The following GATAD2A variants were observed in gnomAD, a reference collection of about 807,000 sequenced individuals.
GATAD2A encodes GATA zinc finger domain containing 2A.
Under a neutral mutation model 68.5 loss-of-function variants are expected in GATAD2A, and 12 were observed. The observed-to-expected ratio is 0.18, with a 90% CI of 0.11 to 0.28. GATAD2A has a LOEUF of 0.28. Among genes scored for constraint, GATAD2A ranks in the 10% least tolerant of loss-of-function variants. The probability of loss-of-function intolerance (pLI) is 1.00; values close to 1 mark genes in which losing one functional copy is unlikely to be tolerated. For synonymous variants in GATAD2A, 410 were observed against 375.3 expected, an observed-to-expected ratio of 1.09 and a Z score of -1.07; for missense variants, 755 against 868.5, an observed-to-expected ratio of 0.87 and a Z score of 1.64.
At chr19:19,457,112 G>C (rs981281044) in intron 1 of GATAD2A, 1 of 985,316 alleles carries the variant, frequency 1.0e-6, no homozygotes, top group African/African-American at 1.7e-5. Flanking sequence ...TGACACCTCT[G>C]CCCACGCATC....
chr19:19,494,689 C>T (rs1050386383), intron 5 of GATAD2A, among the ~76,000 whole-genome samples: 11 of 152,224 alleles, frequency 7.2e-5, no homozygotes, highest in Non-Finnish European at 1.0e-4. Context: ...TTGACTCTTC[C>T]GGCCAGAGAG....
rs1600259300 is a variant in GATAD2A at position 19,487,003 on chromosome 19, T to C, written c.270-5303T>C. ...TTTGAAGTCCAAGGCTGGGCAAGGGTGGCCAGTGAGCTCCAGGCCTCAGCT... is the reference window on the plus strand; with the variant it reads ...TTTGAAGTCCAAGGCTGGGCAAGGGCGGCCAGTGAGCTCCAGGCCTCAGCT... On this transcript the variant is annotated intron_variant, in intron 2 of 11. Transcript: ENST00000683918. Among the ~76,000 whole-genome samples the C allele has an allele frequency of 2.0e-5, 3 of 152,132 alleles. No individual in the cohort carries two copies. In the South Asian group the frequency reaches 6.2e-4, roughly 31 times the overall value.
intron 1 of GATAD2A, among the ~76,000 whole-genome samples, chr19:19,439,244 G>T (rs937337061): frequency 1.3e-5 from 2 of 152,242 alleles, no homozygotes; most frequent in Non-Finnish European, 2.9e-5. Flanking sequence ...CTTGAATTTG[G>T]CCTGTCAGGT....
chr19:19,458,316 C>G (rs1433898889), intron 1 of GATAD2A: 1 of 152,292 alleles, frequency 6.6e-6, no homozygotes, highest in African/African-American at 2.4e-5. Context: ...CTGCCCTGGC[C>G]TCAGTCTGGG....
intron 1 of GATAD2A, among the ~76,000 whole-genome samples, chr19:19,455,875 G>A (rs990123030): frequency 1.8e-4 from 28 of 152,202 alleles, no homozygotes; most frequent in African/African-American, 6.5e-4. Flanking sequence ...TACTGGCCAG[G>A]CGTGGTGGCT....
At chr19:19,470,162 T>A (rs1380523725) in intron 2 of GATAD2A, among the ~76,000 whole-genome samples, 11 of 148,964 alleles carry the variant, frequency 7.4e-5, no homozygotes, top group African/African-American at 2.5e-4. Context: ...TTTGTTTTTT[T>A]TTTTTTGAGA....
At chr19:19,502,660 G>C (rs538486791) in intron 11 of GATAD2A, 134 bp downstream of exon 11, 11 of 684,890 alleles carry the variant, frequency 1.6e-5, no homozygotes, top group Non-Finnish European at 2.7e-5. Flanking sequence ...CTCGGACTCT[G>C]GCTTTCCCTC....
chr19:19,406,416 G>A (rs1179525052), intron 1 of GATAD2A, among the ~76,000 whole-genome samples: 2 of 151,736 alleles, frequency 1.3e-5, no homozygotes, highest in Non-Finnish European at 2.9e-5. Flanking sequence ...TCAGGGGCGG[G>A]GGTCCGGGGC....
intron 2 of GATAD2A, among the ~76,000 whole-genome samples, chr19:19,479,695 G>A (rs1266304402): frequency 6.6e-6 from 1 of 152,182 alleles, no homozygotes; most frequent in Non-Finnish European, 1.5e-5. Context: ...GGTACTGCTG[G>A]TCTTGAATGA....
At chr19:19,391,408 T>C (rs1036969544) in intron 1 of GATAD2A, among the ~76,000 whole-genome samples, 4 of 152,234 alleles carry the variant, frequency 2.6e-5, no homozygotes, top group Admixed American at 1.3e-4. Flanking sequence ...CAAAGAAATA[T>C]GCACCAATCT....
At chr19:19,457,004 A>G (rs1278570007) in intron 1 of GATAD2A, 1 of 658,140 alleles carries the variant, frequency 1.5e-6, no homozygotes, top group Admixed American at 6.3e-5. Flanking sequence ...ATTAATTACA[A>G]AGGAGCAACA....
At chr19:19,503,829 G>A (rs1014034120) in intron 11 of GATAD2A, among the ~76,000 whole-genome samples, 1 of 152,192 alleles carries the variant, frequency 6.6e-6, no homozygotes, top group African/African-American at 2.4e-5. Context: ...GGTTTCTGGA[G>A]TGCTGCCCTT....
At chr19:19,439,720 G>A (rs952211124) in intron 1 of GATAD2A, among the ~76,000 whole-genome samples, 5 of 152,038 alleles carry the variant, frequency 3.3e-5, no homozygotes, top group East Asian at 1.9e-4. Flanking sequence ...GGTGATGCAC[G>A]CTTGTAATCA....
At chr19:19,447,253 G>GGAGT (rs768794011) in intron 1 of GATAD2A, among the ~76,000 whole-genome samples, 66 of 152,154 alleles carry the variant, frequency 4.3e-4, no homozygotes, top group Non-Finnish European at 8.5e-4. Flanking sequence ...CCCTGAGGTG[G>GGAGT]GAGTGAGCCA....
intron 1 of GATAD2A, chr19:19,458,461 C>G (rs980946811): frequency 1.3e-5 from 2 of 152,334 alleles, no homozygotes; most frequent in Middle Eastern, 3.4e-3. Context: ...AGGCGTAACT[C>G]AGCAGTGCAT....
chr19:19,436,180 G>T (rs767636474), intron 1 of GATAD2A: 112 of 1,366,312 alleles, frequency 8.2e-5, no homozygotes, highest in Admixed American at 1.3e-4. Flanking sequence ...CTGTGGCCAT[G>T]GCCAACTGGT....
intron 1 of GATAD2A, among the ~76,000 whole-genome samples, chr19:19,443,852 A>G (rs2147703648): frequency 6.6e-6 from 1 of 152,118 alleles, no homozygotes; most frequent in East Asian, 1.9e-4. Flanking sequence ...TTAGGAGACC[A>G]CTTGGGAGTA....
At chr19:19,455,415 C>A (rs2056835090) in intron 1 of GATAD2A, among the ~76,000 whole-genome samples, 1 of 151,854 alleles carries the variant, frequency 6.6e-6, no homozygotes, top group Non-Finnish European at 1.5e-5. Flanking sequence ...GCTTGAACCC[C>A]AGAGGCAGAG....
chr19:19,482,861 A>T (rs1309134027), intron 2 of GATAD2A, among the ~76,000 whole-genome samples: 1 of 152,112 alleles, frequency 6.6e-6, no homozygotes, highest in African/African-American at 2.4e-5. Context: ...AGCTGCTGAC[A>T]AGATTGGGCT....
Sources: gnomAD v4.1 joint callset for allele counts (sites outside exome capture counted in the v4.1 genomes callset) on GRCh38, gnomAD v4.1.1 for gene constraint, MANE v1.5 for transcripts, NCBI Gene and HGNC (gene_info 2026-07-23, HGNC 2026-07-21) for gene names.